Variants in PABPC1 observed in about 807,000 individuals in gnomAD.
PABPC1 encodes poly(A) binding protein cytoplasmic 1, also known as polyadenylate-binding protein 1.
PABPC1 carries 4 observed loss-of-function variants against 74.0 expected under a neutral mutation model. The ratio of observed to expected loss-of-function variants is 0.05; its 90% CI spans 0.03 to 0.12. The LOEUF is 0.12. Among genes scored for constraint, PABPC1 ranks in the 10% least tolerant of loss-of-function variants. The probability of loss-of-function intolerance (pLI) is 1.00; values close to 1 mark genes in which losing one functional copy is unlikely to be tolerated. For synonymous variants in PABPC1, 227 were observed against 264.1 expected (o/e 0.86, Z 1.36); for missense variants, 271 against 821.1 (o/e 0.33, Z 8.19).
In PABPC1 at chr8:100,715,501, T is replaced by C. The variant is rs754208814; in HGVS notation, c.604A>G (p.Met202Val). 1 of 1,613,226 alleles carries C rather than the reference T, an allele frequency of 6.2e-7. No homozygotes were observed. Among genetic ancestry groups the C allele is most frequent in the Non-Finnish European group, 8.5e-7 (1 of 1,179,482 alleles). Reference sequence around the variant, plus strand: ...AGATCCTTAAGGCGCTCATCATCCATGTCTTCTCCAAAATTCTTGATGTAA... The same window carrying C: ...AGATCCTTAAGGCGCTCATCATCCACGTCTTCTCCAAAATTCTTGATGTAA... ...NVYIKNFGED[M>V]DDERLKDLFG... Residue 202 changes from methionine (M) to valine (V), a missense_variant, in exon 4 of 15, where the codon ATG becomes GTG. Physicochemically the swap from Met to Val is conservative, Grantham distance 21. Transcript: ENST00000318607.
At chr8:100,710,657 T>G (rs76084473) in intron 7 of PABPC1, among the ~76,000 whole-genome samples, 7,591 of 152,280 alleles carry the variant, frequency 0.05, 626 homozygotes, top group African/African-American at 0.17. Context: ...GTGAGGTCTA[T>G]AAAGTGGAAA....
intron 9 of PABPC1, among the ~76,000 whole-genome samples, chr8:100,707,461 T>C (rs1466417514): frequency 1.3e-5 from 2 of 152,088 alleles, no homozygotes; most frequent in Non-Finnish European, 2.9e-5. Flanking sequence ...GGGTTACGTG[T>C]CCACTGGAGA....
chr8:100,704,768 T>TAA (rs1009998644), intron 13 of PABPC1, among the ~76,000 whole-genome samples, 158 bp downstream of exon 13: 34 of 152,342 alleles, frequency 2.2e-4, no homozygotes, highest in African/African-American at 7.5e-4. Flanking sequence ...TACCTATCTA[T>TAA]AAAATGGGGA....
rs755687416 is a variant in PABPC1, at chr8:100,704,419, T to A, written c.1819-29A>T. 4 of 1,549,704 alleles carry A rather than the reference T, an allele frequency of 2.6e-6. No individual in the cohort carries two copies. In the African/African-American group the frequency reaches 5.4e-5, roughly 21 times the overall value. The stretch of plus-strand genomic sequence containing the variant: ...AAAAAGGGGAAAACAGATAAACTGG[T>A]TCAGGAAAGGAATGGAAATAAAGAG... On this transcript the variant is annotated intron_variant, in intron 13 of 14. Coordinates refer to ENST00000318607, the MANE Select transcript of PABPC1 (RefSeq NM_002568.4).
chr8:100,707,141 T>C (rs1242074109), intron 9 of PABPC1, 144 bp from the exon 10 acceptor site: 3 of 585,280 alleles, frequency 5.1e-6, no homozygotes, highest in Middle Eastern at 2.7e-4. Flanking sequence ...CACTTGCCAT[T>C]TTCCCAGACT....
At chr8:100,719,670 C>A (rs1303160318) in intron 1 of PABPC1, among the ~76,000 whole-genome samples, 1 of 152,152 alleles carries the variant, frequency 6.6e-6, no homozygotes, top group Non-Finnish European at 1.5e-5. Context: ...CCACGGCAAC[C>A]TGAAGTTCAA....
Position 100,706,929 on chromosome 8 carries a change from C to T in PABPC1, c.1405G>A (p.Ala469Thr), listed in dbSNP as rs760592859. 2 of 1,614,046 alleles carry T rather than the reference C, an allele frequency of 1.2e-6. No homozygotes were observed. The highest frequency in any genetic ancestry group is 1.3e-5 in the African/African-American group (1 of 74,932). Residue 469 changes from alanine to threonine, a missense_variant, in exon 10 of 15, where the codon GCT becomes ACT. Ala to Thr is a moderately conservative substitution (Grantham distance 58). This residue lies in a region of PABPC1 where 103 missense variants were observed against 245.3 expected (regional missense o/e 0.42). Transcript: ENST00000318607. The part of the protein sequence containing the change: ...PRPPFSTMRP[A>T]SSQVPRVMST... ...ATGACTCGTGGAACCTGTGAAGAAG[C>T]TGGTCTCATAGTACTAAATGGTGGT...
intron 8 of PABPC1, 108 bp downstream of exon 8, chr8:100,709,351 A>C: frequency 6.8e-7 from 1 of 1,481,092 alleles, no homozygotes; most frequent in Non-Finnish European, 9.4e-7. Context: ...ACTCAATCAT[A>C]ATTCCCCTTT....
At chr8:100,717,134 C>T (rs1389357516) in intron 3 of PABPC1, among the ~76,000 whole-genome samples, 3 of 152,132 alleles carry the variant, frequency 2.0e-5, no homozygotes, top group Non-Finnish European at 4.4e-5. Flanking sequence ...CCTCAGCCTC[C>T]CGAGTAGCTA....
Position 100,721,624 on chromosome 8 carries a change from C to A in PABPC1, c.-41G>T. 1 of 1,435,070 alleles carries A rather than the reference C, an allele frequency of 7.0e-7. No individual in the cohort carries two copies. The highest frequency in any genetic ancestry group is 9.3e-7 in the Non-Finnish European group (1 of 1,077,098). 88.9% of individuals were successfully genotyped at this position (1,435,070 alleles called of 1,614,324 possible). A position where few individuals can be genotyped will look rare whatever the true frequency, so the allele number is the denominator to read the frequency against. ...CGCAGGGCCACAGGCCGCGACCTTT[C>A]CGTGAGAGGAGGAGAGCGAGTGCCG... On this transcript the variant is annotated 5_prime_UTR_variant, in exon 1 of 15. Transcript: ENST00000318607. This position sits in a 1 kb window ranked among gnomAD's most constrained non-coding sequence, Gnocchi z 7.4.
rs1563614933 is a variant in PABPC1 at position 100,715,883 on chromosome 8, G to A, written c.504-282C>T. Among the ~76,000 whole-genome samples, 9 of 152,018 alleles carry A rather than the reference G, an allele frequency of 5.9e-5. 1 individual carries two copies. In the South Asian group the frequency reaches 1.9e-3, roughly 31 times the overall value. On this transcript the variant is annotated intron_variant, in intron 3 of 14. Coordinates refer to ENST00000318607, the MANE Select transcript of PABPC1 (RefSeq NM_002568.4). ...AGGGATCACTCCCATCAATACAAATGAGTGGAAGTGCATGTGTACCATGCC... is the reference window on the plus strand; with the variant it reads ...AGGGATCACTCCCATCAATACAAATAAGTGGAAGTGCATGTGTACCATGCC...
intron 9 of PABPC1, among the ~76,000 whole-genome samples, chr8:100,708,285 T>C (rs1810434301): frequency 6.6e-6 from 1 of 152,148 alleles, no homozygotes. Flanking sequence ...CAAAATCCCG[T>C]CTCTACAAAA....
At chr8:100,708,107 G>C (rs1299713216) in intron 9 of PABPC1, among the ~76,000 whole-genome samples, 1 of 152,194 alleles carries the variant, frequency 6.6e-6, no homozygotes, top group Non-Finnish European at 1.5e-5. Flanking sequence ...TCATATCTAA[G>C]ATCTATATCT....
chr8:100,717,493 TTC>T lies in PABPC1; in HGVS notation c.503+278_503+279del, dbSNP rs538516520. Among the ~76,000 whole-genome samples the T allele has an allele frequency of 3.6e-4, 55 of 152,378 alleles. 1 individual carries two copies. The highest frequency in any genetic ancestry group is 1.2e-3 in the African/African-American group (50 of 41,592). ...AGCTACATTTTTCTGTTTACTTATC[TTC>T]TGTTTTCCTTTTGGCATGAATGTTA... On this transcript the variant is annotated intron_variant, in intron 3 of 14. Transcript: ENST00000318607.
At chr8:100,716,166 G>C (rs1046626237) in intron 3 of PABPC1, among the ~76,000 whole-genome samples, 1 of 152,208 alleles carries the variant, frequency 6.6e-6, no homozygotes, top group Non-Finnish European at 1.5e-5. Context: ...CACTTTGCAA[G>C]GCCAAGGTGG....
chr8:100,707,233 C>T (rs1282842289), intron 9 of PABPC1: 1 of 375,678 alleles, frequency 2.7e-6, no homozygotes, highest in Non-Finnish European at 5.0e-6. Flanking sequence ...GGTCGGTGGG[C>T]TTCTCCCTGT....
intron 14 of PABPC1, chr8:100,704,096 A>C: frequency 2.3e-6 from 1 of 439,820 alleles, no homozygotes. Flanking sequence ...AAGTCCTGGG[A>C]TTTTAAAAAT....
chr8:100,720,846 C>T (rs1810803575), intron 1 of PABPC1, among the ~76,000 whole-genome samples: 1 of 152,228 alleles, frequency 6.6e-6, no homozygotes. Flanking sequence ...GCCACAGGAA[C>T]TTTATCCTAA....
chr8:100,717,655 AT>A (rs1810706450), intron 3 of PABPC1, 117 bp downstream of exon 3: 1 of 636,086 alleles, frequency 1.6e-6, no homozygotes, highest in Admixed American at 3.2e-5. Context: ...AAATGTTTTT[AT>A]TCTTTTATCT....
Sources: allele counts gnomAD v4.1 joint callset (sites outside exome capture counted in the v4.1 genomes callset), GRCh38; gene constraint gnomAD v4.1.1; regional missense constraint gnomAD v4.1.1; non-coding constraint Gnocchi (gnomAD v3.1); transcripts MANE v1.5; gene names NCBI Gene and HGNC (gene_info 2026-07-23, HGNC 2026-07-21).